The following MYO1H variants were observed in gnomAD, a reference collection of about 807,000 sequenced individuals.
MYO1H encodes the protein myosin IH.
MYO1H carries 118 observed loss-of-function variants against 149.3 expected under a neutral mutation model. That is an observed-to-expected ratio of 0.79 (90% CI 0.68 to 0.92). The LOEUF is 0.92. MYO1H is among the 40% of genes least tolerant of loss of function. The probability of loss-of-function intolerance (pLI) is 0.00; values close to 1 mark genes in which losing one functional copy is unlikely to be tolerated. For missense variants in MYO1H, 1,212 were observed against 1,280.7 expected, an observed-to-expected ratio of 0.95 and a Z score of 0.82; for synonymous variants, 447 against 465.2, an observed-to-expected ratio of 0.96 and a Z score of 0.50.
At chr12:109,353,652 C>G (rs977662590) in intron 1 of MYO1H, among the ~76,000 whole-genome samples, 6 of 151,910 alleles carry the variant, frequency 3.9e-5, no homozygotes, top group Non-Finnish European at 8.8e-5. Context: ...GTGGGGAGAA[C>G]TAGAAGGAAT....
chr12:109,390,822 C>A (rs558064432), intron 2 of MYO1H, among the ~76,000 whole-genome samples: 2 of 152,106 alleles, frequency 1.3e-5, no homozygotes, highest in African/African-American at 4.8e-5. Flanking sequence ...TCCGCCACCA[C>A]GCCTGGCTAA....
At chr12:109,322,672 T>C in the MYO1H span, among the ~76,000 whole-genome samples, 1 of 151,816 alleles carries the variant, frequency 6.6e-6, no homozygotes, top group Non-Finnish European at 1.5e-5. Flanking sequence ...TTACAAAAAT[T>C]AGCTGGGTGT....
At chr12:109,416,604 G>A (rs1436950588) in intron 15 of MYO1H, among the ~76,000 whole-genome samples, 1 of 152,036 alleles carries the variant, frequency 6.6e-6, no homozygotes, top group Non-Finnish European at 1.5e-5. Context: ...CTATTATAAA[G>A]CTACCATGAA....
At chr12:109,312,725 A>C in the MYO1H span, among the ~76,000 whole-genome samples, 54 of 151,218 alleles carry the variant, frequency 3.6e-4, no homozygotes, top group Non-Finnish European at 5.9e-5. Context: ...GGTCTAGTGA[A>C]CTGCAGGGCA....
intron 7 of MYO1H, among the ~76,000 whole-genome samples, chr12:109,405,604 C>T (rs182907408): frequency 2.6e-4 from 40 of 152,308 alleles, no homozygotes; most frequent in African/African-American, 7.5e-4. Flanking sequence ...GCCACCGCGC[C>T]CGGCCATAAA....
intron 1 of MYO1H, among the ~76,000 whole-genome samples, chr12:109,381,664 G>C (rs1203371729): frequency 2.6e-5 from 4 of 151,426 alleles, no homozygotes; most frequent in African/African-American, 9.7e-5. Context: ...ATCTTAGTTG[G>C]GTGTGGTGGT....
chr12:109,311,574 G>A, the MYO1H span, among the ~76,000 whole-genome samples: 1 of 152,176 alleles, frequency 6.6e-6, no homozygotes, highest in Non-Finnish European at 1.5e-5. Flanking sequence ...AGTGCCTCAG[G>A]TGATTTTATG....
At chr12:109,398,244 A>ATCG (rs1870001433) in intron 5 of MYO1H, among the ~76,000 whole-genome samples, 1 of 152,072 alleles carries the variant, frequency 6.6e-6, no homozygotes, top group Non-Finnish European at 1.5e-5. Flanking sequence ...ACTGCTCATC[A>ATCG]TGAGCAAGTA....
intron 25 of MYO1H, among the ~76,000 whole-genome samples, chr12:109,441,042 G>A (rs1872104104): frequency 6.6e-6 from 1 of 152,234 alleles, no homozygotes; most frequent in Admixed American, 6.5e-5. Flanking sequence ...TGTTACCATG[G>A]GAACACAATC....
chr12:109,333,770 A>G, the MYO1H span, among the ~76,000 whole-genome samples: 2 of 152,168 alleles, frequency 1.3e-5, no homozygotes, highest in African/African-American at 4.8e-5. Context: ...CTAAATTGAA[A>G]ATATCAAGTG....
At chr12:109,404,554 T>G (rs143684736) in intron 7 of MYO1H, among the ~76,000 whole-genome samples, 8 of 152,332 alleles carry the variant, frequency 5.3e-5, no homozygotes, top group African/African-American at 1.7e-4. Flanking sequence ...AGTGAAGAAT[T>G]TTTTAGTATA....
upstream of MYO1H, among the ~76,000 whole-genome samples, chr12:109,346,216 A>G (rs75426485): frequency 2.0e-5 from 3 of 152,300 alleles, no homozygotes; most frequent in African/African-American, 7.2e-5. Flanking sequence ...TTTACATTCT[A>G]CTAGGTATTA....
intron 1 of MYO1H, among the ~76,000 whole-genome samples, chr12:109,385,435 G>A (rs1040365119): frequency 6.6e-6 from 1 of 151,538 alleles, no homozygotes; most frequent in African/African-American, 2.4e-5. Context: ...TGGGACTACA[G>A]GCACGCACTG....
chr12:109,431,988 A>C (rs970167758), intron 19 of MYO1H, among the ~76,000 whole-genome samples: 1 of 145,422 alleles, frequency 6.9e-6, no homozygotes, highest in Non-Finnish European at 1.5e-5. Context: ...TGGCTAAAAA[A>C]AAAATTTTTT....
At chr12:109,435,409 G>T (rs73194246) in intron 21 of MYO1H, among the ~76,000 whole-genome samples, 15,729 of 152,172 alleles carry the variant, frequency 0.1, 1,098 homozygotes, top group African/African-American at 0.19. Context: ...CCAGCCCCTT[G>T]AAATTAAAGT....
At chr12:109,405,984 C>A in exon 8 of MYO1H, 1 of 1,613,826 alleles carries the variant, frequency 6.2e-7, no homozygotes, top group East Asian at 2.2e-5. Flanking sequence ...AAGAAGACGA[C>A]CAAGGCTGTG....
At chr12:109,409,692 C>CT in intron 11 of MYO1H, 68 bp downstream of exon 11, 1 of 1,288,220 alleles carries the variant, frequency 7.8e-7, no homozygotes, top group Non-Finnish European at 1.1e-6. Flanking sequence ...AGATTTAAAT[C>CT]TTTCGCTAAT....
chr12:109,368,027 A>G (rs895111942), intron 1 of MYO1H, among the ~76,000 whole-genome samples: 2 of 152,122 alleles, frequency 1.3e-5, no homozygotes, highest in Non-Finnish European at 2.9e-5. Context: ...GCCAGCAGCA[A>G]TCTTTTTGAT....
intron 16 of MYO1H, 141 bp downstream of exon 16, chr12:109,421,168 G>C: frequency 1.6e-6 from 1 of 607,334 alleles, no homozygotes; most frequent in South Asian, 2.1e-5. Context: ...GGCCAGAACA[G>C]ACATTCAGGA....
Sources: allele counts gnomAD v4.1 joint callset (sites outside exome capture counted in the v4.1 genomes callset), GRCh38; gene constraint gnomAD v4.1.1; transcripts MANE v1.5; gene names NCBI Gene and HGNC (gene_info 2026-07-23, HGNC 2026-07-21).